SPG7: variants seen among roughly 807,000 people sequenced by gnomAD.
SPG7 encodes the protein mitochondrial inner membrane m-AAA protease component paraplegin.
In SPG7, 103 loss-of-function variants were observed where a neutral mutation model predicts 81.9. The ratio of observed to expected loss-of-function variants is 1.26; its 90% CI spans 1.07 to 1.48. The LOEUF is 1.48. SPG7 is among the 40% of genes most tolerant of loss of function. SPG7 has a pLI of 0.00. For missense variants in SPG7, 1,241 were observed against 1,087.3 expected, an observed-to-expected ratio of 1.14 and a Z score of -1.99; for synonymous variants, 534 against 444.2, an observed-to-expected ratio of 1.20 and a Z score of -2.54.
intron 1 of SPG7, chr16:89,509,100 G>C (rs1597598697): frequency 2.5e-6 from 1 of 399,202 alleles, no homozygotes. Context: ...TACAGTCATT[G>C]AGCACCCCCT....
chr16:89,542,387 G>A (rs2058506926), intron 9 of SPG7: 1 of 152,160 alleles, frequency 6.6e-6, no homozygotes, highest in Admixed American at 6.5e-5. Context: ...CAAGGCACTT[G>A]TGCTTCTGCT....
intron 15 of SPG7, among the ~76,000 whole-genome samples, 164 bp downstream of exon 15, chr16:89,554,124 A>G (rs1427566723): frequency 2.0e-5 from 3 of 152,170 alleles, no homozygotes; most frequent in Admixed American, 6.5e-5. Flanking sequence ...CCTGTGGAGT[A>G]TTTTCTTCTC....
At chr16:89,508,391 T>G (rs1261649914), upstream of SPG7, 3 of 1,461,548 alleles carry the variant, frequency 2.1e-6, no homozygotes, top group East Asian at 3.0e-5. Flanking sequence ...GCCCCGCGGA[T>G]CACGCAGGCG....
chr16:89,552,083 G>A (rs539006596), intron 13 of SPG7: 1 of 152,010 alleles, frequency 6.6e-6, no homozygotes, highest in Admixed American at 6.6e-5. Flanking sequence ...TTGAGACAGG[G>A]TCTCTCTCTC....
At chr16:89,537,536 T>C (rs1055209639) in intron 9 of SPG7, 1 of 986,372 alleles carries the variant, frequency 1.0e-6, no homozygotes. Context: ...ATGCTTCGAC[T>C]TTTTTTTTCT....
chr16:89,539,899 T>C (rs2058473684), intron 9 of SPG7: 1 of 152,132 alleles, frequency 6.6e-6, no homozygotes, highest in Non-Finnish European at 1.5e-5. Context: ...TATAGAAGTT[T>C]TATATTTAAT....
At chr16:89,522,271 A>G (rs978893555) in intron 3 of SPG7, 1 of 152,210 alleles carries the variant, frequency 6.6e-6, no homozygotes, top group Non-Finnish European at 1.5e-5. Flanking sequence ...AAGCCGATTT[A>G]AAAATTGTTT....
intron 5 of SPG7, chr16:89,527,205 G>C (rs957605063): frequency 1.3e-5 from 2 of 153,540 alleles, no homozygotes; most frequent in Non-Finnish European, 2.9e-5. Context: ...TTCTGTGCTT[G>C]GTTAAACCTG....
intron 3 of SPG7, chr16:89,523,225 G>T (rs184035359): frequency 1.1e-5 from 2 of 186,988 alleles, no homozygotes; most frequent in Non-Finnish European, 2.3e-5. Flanking sequence ...GTGGTCTGGA[G>T]TATATGCCTT....
At chr16:89,517,969 G>A (rs540500227) in intron 3 of SPG7, 1 of 152,202 alleles carries the variant, frequency 6.6e-6, no homozygotes, top group Non-Finnish European at 1.5e-5. Flanking sequence ...TAGTTTGCTT[G>A]GAGAAAATAA....
intron 1 of SPG7, chr16:89,508,840 T>A: frequency 1.5e-6 from 1 of 676,188 alleles, no homozygotes; most frequent in Non-Finnish European, 2.7e-6. Context: ...GCGTGGACTT[T>A]CCCAACCCGT....
chr16:89,531,809 A>C (rs1597633270), intron 7 of SPG7, 95 bp from the exon 8 acceptor site: 1 of 1,284,774 alleles, frequency 7.8e-7, no homozygotes, highest in Non-Finnish European at 1.1e-6. Context: ...CACCCACTGC[A>C]CTCCAGCCTG....
intron 3 of SPG7, among the ~76,000 whole-genome samples, chr16:89,516,103 T>G (rs1349272116): frequency 6.6e-6 from 1 of 152,050 alleles, no homozygotes; most frequent in African/African-American, 2.4e-5. Context: ...TTCTCCTGCC[T>G]CAACCTCACG....
At position 89,508,416 on chromosome 16, in the gene SPG7, A is replaced by T; in HGVS notation, c.-2A>T. 1 of 1,487,570 alleles carries T rather than the reference A, an allele frequency of 6.7e-7. No homozygotes were observed. The highest frequency in any genetic ancestry group is 2.8e-5 in the East Asian group (1 of 35,150). The allele number at this position is 1,487,570 out of a possible 1,614,324, so 92.1% of individuals were successfully genotyped here. On this transcript the variant is annotated 5_prime_UTR_variant, in exon 1 of 17. Coordinates refer to ENST00000645818, the MANE Select transcript of SPG7 (RefSeq NM_003119.4). ...TCACGCAGGCGCGGCTTTCAGGCCA[A>T]CATGGCCGTGCTGCTGCTGCTGCTC...
At position 89,508,626 on chromosome 16, in the gene SPG7, C is replaced by T. The variant is rs748343299; in HGVS notation, c.183+26C>T. On this transcript the variant is annotated intron_variant, in intron 1 of 16. Coordinates refer to ENST00000645818, the MANE Select transcript of SPG7 (RefSeq NM_003119.4). ...GTAAATCCCCGCGGAGTCCGGGCCC[C>T]ACCTCCCGCCCGGCTCTGCTCTGTA... 62 of 1,433,966 alleles carry T rather than the reference C, an allele frequency of 4.3e-5. No homozygotes were observed. The South Asian group carries it at 8.6e-4, about 20-fold the overall frequency. 88.8% of individuals were successfully genotyped at this position (1,433,966 alleles called of 1,614,324 possible).
chr16:89,548,075 C>G lies in SPG7; in HGVS notation c.1625C>G (p.Thr542Ser). Residue 542 changes from threonine to serine, a missense_variant, in exon 12 of 17, where the codon ACT (threonine) becomes AGT (serine). Coordinates refer to ENST00000645818, the MANE Select transcript of SPG7 (RefSeq NM_003119.4). Reference protein sequence around the residue: ...AAREGHTSVHTLNFEYAVERV... With the variant: ...AAREGHTSVHSLNFEYAVERV... ...CGGGAGGGACACACTTCCGTGCACA[C>G]TCTCAACTTCGAGTACGCCGTGGAG... The G allele has an allele frequency of 6.2e-7, 1 of 1,609,886 alleles. No homozygotes were observed.
chr16:89,508,533 G>T lies in SPG7; in HGVS notation c.116G>T (p.Arg39Met). 2.0e-6 allele frequency: 3 copies of T among 1,512,582 alleles called. No individual in the cohort carries two copies. The highest frequency in any genetic ancestry group is 2.6e-5 in the East Asian group (1 of 37,844). 93.7% of individuals were successfully genotyped at this position (1,512,582 alleles called of 1,614,324 possible). ...CCAGGGTTCCCCGCCAGGCCCGGGA[G>T]GGGGCGGCCGTACATGGCCAGCAGG... is the stretch of plus-strand genomic sequence containing the variant. Reference protein sequence around the residue: ...WSPGFPARPGRGRPYMASRPP... With the variant: ...WSPGFPARPGMGRPYMASRPP... The change falls in exon 1 of 17, where the codon AGG becomes ATG. Residue 39 changes from arginine (R) to methionine (M), a missense_variant. Coordinates refer to ENST00000645818, the MANE Select transcript of SPG7 (RefSeq NM_003119.4).
intron 15 of SPG7, 50 bp from the exon 16 acceptor site, chr16:89,554,436 T>C (rs1194071678): frequency 1.5e-6 from 2 of 1,308,784 alleles, no homozygotes; most frequent in African/African-American, 1.4e-5. Flanking sequence ...GCTTTGGTGC[T>C]GGAGCCAGGC....
chr16:89,532,729 C>A, intron 9 of SPG7, 93 bp downstream of exon 9: 2 of 1,453,668 alleles, frequency 1.4e-6, no homozygotes, highest in South Asian at 2.3e-5. Flanking sequence ...AAGATCGTGT[C>A]ACTGCACTCC....
Sources: allele counts gnomAD v4.1 joint callset (sites outside exome capture counted in the v4.1 genomes callset), GRCh38; gene constraint gnomAD v4.1.1; transcripts MANE v1.5; gene names NCBI Gene and HGNC (gene_info 2026-07-23, HGNC 2026-07-21).